MAPK8: variants seen among roughly 807,000 people sequenced by gnomAD.
The protein encoded by MAPK8 is JUN N-terminal kinase.
In MAPK8, 13 loss-of-function variants were observed where a neutral mutation model predicts 52.9. That is an observed-to-expected ratio of 0.25 (90% CI 0.16 to 0.39). The LOEUF is 0.39. Among genes scored for constraint, MAPK8 ranks in the 10% least tolerant of loss-of-function variants. MAPK8 has a pLI of 1.00. For synonymous variants in MAPK8, 191 were observed against 169.8 expected, an observed-to-expected ratio of 1.12 and a Z score of -0.97; for missense variants, 300 against 519.2, an observed-to-expected ratio of 0.58 and a Z score of 4.10.
chr10:48,384,584 G>T (rs1232961854), intron 1 of MAPK8, among the ~76,000 whole-genome samples: 2 of 152,186 alleles, frequency 1.3e-5, no homozygotes, highest in African/African-American at 4.8e-5. Context: ...AGCATGGATA[G>T]CTCTGATAAA....
intron 1 of MAPK8, among the ~76,000 whole-genome samples, chr10:48,375,981 TCAAAC>T (rs1005591929): frequency 1.7e-4 from 26 of 152,244 alleles, no homozygotes; most frequent in Non-Finnish European, 3.1e-4. Context: ...CTACCTGACT[TCAAAC>T]TATACTACAA....
At chr10:48,356,696 G>T (rs1249392825) in intron 1 of MAPK8, among the ~76,000 whole-genome samples, 1 of 151,838 alleles carries the variant, frequency 6.6e-6, no homozygotes, top group African/African-American at 2.4e-5. Flanking sequence ...ACAAAAATTA[G>T]CTGGTTCTAA....
chr10:48,387,102 T>C (rs1589150118), intron 1 of MAPK8, among the ~76,000 whole-genome samples: 1 of 152,244 alleles, frequency 6.6e-6, no homozygotes, highest in African/African-American at 2.4e-5. Context: ...ATCTATTTTA[T>C]GAATAGGTCT....
At chr10:48,308,441 C>T (rs1841616699) in intron 1 of MAPK8, among the ~76,000 whole-genome samples, 1 of 152,194 alleles carries the variant, frequency 6.6e-6, no homozygotes, top group Non-Finnish European at 1.5e-5. Context: ...AGTTCATGTA[C>T]ATTATCTGTT....
chr10:48,383,340 A>G (rs2041123577), intron 1 of MAPK8, among the ~76,000 whole-genome samples: 1 of 152,222 alleles, frequency 6.6e-6, no homozygotes, highest in African/African-American at 2.4e-5. Flanking sequence ...AGCTGATGGC[A>G]GACAGAAGAA....
intron 1 of MAPK8, among the ~76,000 whole-genome samples, chr10:48,365,126 T>G (rs997515536): frequency 3.3e-5 from 5 of 152,306 alleles, no homozygotes; most frequent in Non-Finnish European, 5.9e-5. Flanking sequence ...TTTGTCTTTA[T>G]AAAATCCCCT....
At chr10:48,314,066 CTG>C (rs1842256263) in intron 1 of MAPK8, among the ~76,000 whole-genome samples, 1 of 152,152 alleles carries the variant, frequency 6.6e-6, no homozygotes, top group African/African-American at 2.4e-5. Flanking sequence ...TTGTCTTACT[CTG>C]TTTGGGCTGC....
At chr10:48,334,632 G>A (rs1208021086) in intron 1 of MAPK8, among the ~76,000 whole-genome samples, 4 of 152,122 alleles carry the variant, frequency 2.6e-5, no homozygotes, top group South Asian at 2.1e-4. Flanking sequence ...CAGACAGAGC[G>A]GGCCACCTAA....
At chr10:48,401,404 T>A (rs1279766831) in intron 1 of MAPK8, among the ~76,000 whole-genome samples, 1 of 152,152 alleles carries the variant, frequency 6.6e-6, no homozygotes, top group Non-Finnish European at 1.5e-5. Flanking sequence ...TATCCTAATG[T>A]TTCTTTTTTA....
intron 5 of MAPK8, 39 bp from the exon 6 acceptor site, chr10:48,420,115 TA>T (rs759398178): frequency 1.4e-6 from 2 of 1,462,948 alleles, no homozygotes; most frequent in Non-Finnish European, 1.9e-6. Flanking sequence ...GATTTTCCTA[TA>T]TATCATGGCA....
intron 6 of MAPK8, among the ~76,000 whole-genome samples, chr10:48,420,865 A>G (rs1021978389): frequency 1.1e-4 from 17 of 152,226 alleles, no homozygotes; most frequent in African/African-American, 3.9e-4. Context: ...GACTTTTAGT[A>G]TTTTGTATGG....
At chr10:48,419,939 A>G (rs2043262152) in intron 5 of MAPK8, among the ~76,000 whole-genome samples, 1 of 152,334 alleles carries the variant, frequency 6.6e-6, no homozygotes, top group Non-Finnish European at 1.5e-5. Flanking sequence ...AAACATTACT[A>G]ACTTCTCTAA....
At chr10:48,425,615 T>A (rs538731199) in intron 7 of MAPK8, 5 of 342,326 alleles carry the variant, frequency 1.5e-5, no homozygotes, top group Non-Finnish European at 2.6e-5. Flanking sequence ...TAGTTGCTTA[T>A]CATTTTATTT....
chr10:48,403,183 G>A (rs1048235020), intron 2 of MAPK8, among the ~76,000 whole-genome samples: 1 of 152,114 alleles, frequency 6.6e-6, no homozygotes, highest in African/African-American at 2.4e-5. Context: ...GAGCAAGCCG[G>A]GCGCGGTGGC....
chr10:48,388,602 TC>T (rs1306835989), intron 1 of MAPK8, among the ~76,000 whole-genome samples: 1 of 152,118 alleles, frequency 6.6e-6, no homozygotes, highest in African/African-American at 2.4e-5. Flanking sequence ...TCTAGCATGT[TC>T]CCCCCAGTTT....
At chr10:48,362,997 C>T (rs997013004) in intron 1 of MAPK8, among the ~76,000 whole-genome samples, 1 of 152,060 alleles carries the variant, frequency 6.6e-6, no homozygotes, top group Non-Finnish European at 1.5e-5. Flanking sequence ...CTTCGGCCTC[C>T]CAAAGGGTTG....
Position 48,409,920 on chromosome 10 carries a change from A to G in MAPK8, c.294A>G (p.Leu98=). ...ATGTTTTCACACCACAGAAATCCCT[A>G]GAAGAATTTCAAGATGTGTAAGTGT... ...LLNVFTPQKS[L]EEFQDVYIVM... is the part of the protein sequence containing the mutation. Residue 98 remains leucine, a synonymous_variant, in exon 4 of 12, where the codon CTA becomes CTG. Transcript: ENST00000374189. The G allele has an allele frequency of 6.2e-7, 1 of 1,611,630 alleles. No individual in the cohort carries two copies. The highest frequency in any genetic ancestry group is 1.1e-5 in the South Asian group (1 of 90,690).
intron 1 of MAPK8, among the ~76,000 whole-genome samples, chr10:48,393,526 T>C (rs181976208): frequency 1.1e-4 from 17 of 152,218 alleles, no homozygotes; most frequent in Admixed American, 9.2e-4. Flanking sequence ...ATATGGGATG[T>C]AATACCACGG....
intron 1 of MAPK8, among the ~76,000 whole-genome samples, chr10:48,314,349 CAGA>C (rs1313526433): frequency 1.3e-5 from 2 of 152,198 alleles, no homozygotes; most frequent in African/African-American, 2.4e-5. Flanking sequence ...GTCTCTCCTC[CAGA>C]TACTATCAAG....
Sources: allele counts gnomAD v4.1 joint callset (sites outside exome capture counted in the v4.1 genomes callset), GRCh38; gene constraint gnomAD v4.1.1; transcripts MANE v1.5; gene names NCBI Gene and HGNC (gene_info 2026-07-23, HGNC 2026-07-21).